Variants in RASAL2 observed in about 807,000 individuals in gnomAD.
RASAL2 encodes RAS protein activator like 2.
Under a neutral mutation model 128.9 loss-of-function variants are expected in RASAL2, and 58 were observed. The ratio of observed to expected loss-of-function variants is 0.45; its 90% CI spans 0.36 to 0.56. The LOEUF is 0.56. Among genes scored for constraint, RASAL2 ranks in the 20% least tolerant of loss-of-function variants. RASAL2 has a pLI of 0.00. For missense variants in RASAL2, 1,360 were observed against 1,601.6 expected (o/e 0.85, Z 2.57); for synonymous variants, 561 against 580.8 (o/e 0.97, Z 0.49).
At chr1:178,233,344 C>CT (rs1263054345) in intron 1 of RASAL2, among the ~76,000 whole-genome samples, 2 of 152,216 alleles carry the variant, frequency 1.3e-5, no homozygotes, top group African/African-American at 2.4e-5. Context: ...TATCGAAGAT[C>CT]TTTGTCAGAA....
chr1:178,476,215 TG>T lies in RASAL2; in HGVS notation c.*2977del, dbSNP rs923286711. On this transcript the variant is annotated 3_prime_UTR_variant, in exon 18 of 18. Transcript: ENST00000367649. ...GAATTTGGAATTCAGGTGAAGTGCT[TG>T]TAAAGTGCATGTCTAGCTGACAACA... 6.6e-6 allele frequency: 1 copy of T among 152,230 alleles called. No individual in the cohort carries two copies. The highest frequency in any genetic ancestry group is 2.4e-5 in the African/African-American group (1 of 41,470). 9.4% of individuals were successfully genotyped at this position (152,230 alleles called of 1,614,324 possible). A position where few individuals can be genotyped will look rare whatever the true frequency, so the allele number is the denominator to read the frequency against.
chr1:178,334,254 A>G (rs1432358702), intron 3 of RASAL2, among the ~76,000 whole-genome samples: 1 of 152,084 alleles, frequency 6.6e-6, no homozygotes. Flanking sequence ...ATTTTCAAAA[A>G]CTAAAAATGA....
chr1:178,118,856 GTTTTT>G (rs34608577), intron 1 of RASAL2, among the ~76,000 whole-genome samples: 3 of 148,036 alleles, frequency 2.0e-5, no homozygotes, highest in African/African-American at 4.9e-5. Context: ...AATTGAGCAG[GTTTTT>G]TTTTTTTTGT....
At chr1:178,190,185 C>T (rs750093839) in intron 1 of RASAL2, among the ~76,000 whole-genome samples, 2 of 152,100 alleles carry the variant, frequency 1.3e-5, no homozygotes, top group African/African-American at 2.4e-5. Flanking sequence ...AAGGAGGGAT[C>T]GCAAAGAAGT....
At chr1:178,110,650 A>ATATATATATATATATATATATATATATG (rs68137228) in intron 1 of RASAL2, among the ~76,000 whole-genome samples, 9 of 139,160 alleles carry the variant, frequency 6.5e-5, no homozygotes, top group African/African-American at 2.1e-4. Flanking sequence ...ATATATATAT[A>ATATATATATATATATATATATATATATG]TATGTATGTA....
intron 4 of RASAL2, chr1:178,411,606 G>C: frequency 1.3e-6 from 1 of 741,636 alleles, no homozygotes; most frequent in Admixed American, 1.8e-5. Flanking sequence ...ATGCAGAAAT[G>C]GCACACTTCA....
chr1:178,184,350 C>T (rs979210634), intron 1 of RASAL2, among the ~76,000 whole-genome samples: 2 of 150,404 alleles, frequency 1.3e-5, no homozygotes, highest in East Asian at 3.9e-4. Flanking sequence ...GGTGTTACAT[C>T]CAAAAACTCA....
intron 4 of RASAL2, chr1:178,411,896 G>A: frequency 1.4e-6 from 1 of 695,006 alleles, no homozygotes; most frequent in Non-Finnish European, 2.7e-6. Flanking sequence ...CCTGGGGCCA[G>A]TCGGCCTTCA....
intron 1 of RASAL2, among the ~76,000 whole-genome samples, chr1:178,167,928 G>A (rs1301950377): frequency 6.6e-6 from 1 of 152,054 alleles, no homozygotes; most frequent in African/African-American, 2.4e-5. Flanking sequence ...CTTTTAAGGG[G>A]GAGTGCAAGG....
rs377255460 is a variant in RASAL2 at position 178,457,981 on chromosome 1, C to T, written c.2689C>T (p.Pro897Ser). ...IKQLRETQST[P>S]QSAPQVRRPL... is the part of the protein sequence containing the mutation. ...ACAGCTGCGGGAAACCCAGAGCACT[C>T]CCCAAAGTGCACCCCAAGTGAGAAG... Residue 897 changes from proline (P) to serine (S), a missense_variant, in exon 14 of 18, where the codon CCC becomes TCC. Pro to Ser is a moderately conservative substitution (Grantham distance 74). This residue lies in a region of RASAL2 where 741 missense variants were observed against 868.6 expected (regional missense o/e 0.85). Transcript: ENST00000367649. 31 of 1,613,992 alleles carry T rather than the reference C, an allele frequency of 1.9e-5. No individual in the cohort carries two copies. The highest frequency in any genetic ancestry group is 3.3e-5 in the South Asian group (3 of 91,092).
chr1:178,140,962 G>T (rs114874288), intron 1 of RASAL2, among the ~76,000 whole-genome samples: 5,241 of 152,290 alleles, frequency 0.034, 147 homozygotes, highest in Non-Finnish European at 0.052. Flanking sequence ...GCCTCAGGAA[G>T]CGGAAGGCAG....
At chr1:178,381,471 C>G (rs1672283401) in intron 3 of RASAL2, among the ~76,000 whole-genome samples, 1 of 151,712 alleles carries the variant, frequency 6.6e-6, no homozygotes, top group Non-Finnish European at 1.5e-5. Flanking sequence ...TTTTTATTAC[C>G]TTCACTAATG....
chr1:178,436,994 TTAAAG>T (rs1676295349), intron 5 of RASAL2, among the ~76,000 whole-genome samples: 2 of 152,134 alleles, frequency 1.3e-5, no homozygotes, highest in Admixed American at 1.3e-4. Flanking sequence ...CCTTTCTGTC[TTAAAG>T]TAGTCAACTT....
intron 1 of RASAL2, among the ~76,000 whole-genome samples, chr1:178,203,009 C>T (rs1662925888): frequency 6.6e-6 from 1 of 152,210 alleles, no homozygotes; most frequent in African/African-American, 2.4e-5. Flanking sequence ...CTCAAAATGG[C>T]ACCATTCCTC....
intron 1 of RASAL2, among the ~76,000 whole-genome samples, chr1:178,260,694 T>G (rs1665653494): frequency 6.6e-6 from 1 of 151,958 alleles, no homozygotes; most frequent in Non-Finnish European, 1.5e-5. Context: ...TCAAGAGTAT[T>G]TTATAAAGGA....
rs747984677 is a variant in RASAL2, at chr1:178,464,351, A to G, written c.3326A>G (p.Gln1109Arg). 3 of 1,613,898 alleles carry G rather than the reference A, an allele frequency of 1.9e-6. No individual in the cohort carries two copies. In the Admixed American group the frequency reaches 5.0e-5, roughly 27 times the overall value. The change falls in exon 15 of 18, where the codon CAG becomes CGG. Residue 1109 changes from glutamine to arginine, a missense_variant. Around this residue, in one of 3 missense-constraint regions of RASAL2, gnomAD observed 741 missense variants for 868.6 expected, o/e 0.85. Transcript: ENST00000367649. ...GCAGCCTGGGTTCTGAACAATGGGC[A>G]GTATGAAGAGGATGTGGAAGAAACT... The part of the protein sequence containing the change: ...RTAAWVLNNG[Q>R]YEEDVEETEQ...
In RASAL2 at chr1:178,245,206, G is replaced by A. The variant is rs186161770; in HGVS notation, c.203-38358G>A. ...ACACTGCCACCAACAGTGTAAAAGCGTTCCTATTTCTCCGCATCCTCGCCA... is the reference window on the plus strand; with the variant it reads ...ACACTGCCACCAACAGTGTAAAAGCATTCCTATTTCTCCGCATCCTCGCCA... On this transcript the variant is annotated intron_variant, in intron 1 of 17. Transcript: ENST00000367649. Among the ~76,000 whole-genome samples, 242 of 152,290 alleles carry A rather than the reference G, an allele frequency of 1.6e-3. 1 individual carries two copies. The highest frequency in any genetic ancestry group is 5.7e-3 in the African/African-American group (236 of 41,556).
intron 15 of RASAL2, among the ~76,000 whole-genome samples, 155 bp downstream of exon 15, chr1:178,464,567 G>GGTGTGTGTGTGTGTGTGTGTGTGT (rs58822651): frequency 4.1e-5 from 6 of 145,020 alleles, no homozygotes; most frequent in African/African-American, 1.5e-4. Flanking sequence ...ATAGGTCAGT[G>GGTGTGTGTGTGTGTGTGTGTGTGT]GTGTGTGTGT....
At chr1:178,189,318 G>A (rs1558104397) in intron 1 of RASAL2, among the ~76,000 whole-genome samples, 3 of 152,160 alleles carry the variant, frequency 2.0e-5, no homozygotes, top group Admixed American at 6.6e-5. Context: ...GGGTCCATTT[G>A]TAAATAGGGT....
Sources: gnomAD v4.1 joint callset for allele counts (sites outside exome capture counted in the v4.1 genomes callset) on GRCh38, gnomAD v4.1.1 for gene constraint, gnomAD v4.1.1 regional missense constraint, MANE v1.5 for transcripts, NCBI Gene and HGNC (gene_info 2026-07-23, HGNC 2026-07-21) for gene names.